The following SETX variants were observed in gnomAD, a reference collection of about 807,000 sequenced individuals.
SETX encodes senataxin.
SETX carries 90 observed loss-of-function variants against 227.2 expected under a neutral mutation model. The observed-to-expected ratio is 0.40, with a 90% CI of 0.33 to 0.47. The LOEUF is 0.47. SETX is among the 20% of genes least tolerant of loss of function. The pLI is 0.91. For synonymous variants in SETX, 1,210 were observed against 1,113.2 expected, an observed-to-expected ratio of 1.09 and a Z score of -1.73; for missense variants, 3,052 against 3,181.5, an observed-to-expected ratio of 0.96 and a Z score of 0.98.
At chr9:132,289,905 G>A (rs889078201) in intron 15 of SETX, among the ~76,000 whole-genome samples, 2 of 151,718 alleles carry the variant, frequency 1.3e-5, no homozygotes, top group African/African-American at 4.8e-5. Flanking sequence ...TCTTCTATTG[G>A]GTTTTTTAAA....
intron 10 of SETX, among the ~76,000 whole-genome samples, chr9:132,321,017 A>G (rs1456305668): frequency 2.6e-5 from 4 of 151,822 alleles, no homozygotes; most frequent in African/African-American, 9.7e-5. Flanking sequence ...TAGAGAGGAT[A>G]AGCAGTCTCT....
chr9:132,346,262 A>G lies in SETX; in HGVS notation c.387T>C (p.Val129=). 1 of 1,609,996 alleles carries G rather than the reference A, an allele frequency of 6.2e-7. No homozygotes were observed. The highest frequency in any genetic ancestry group is 1.7e-4 in the Middle Eastern group (1 of 6,044). The stretch of plus-strand genomic sequence containing the variant: ...TTGAGGAACCATCAAGATACTCACT[A>G]ACACGTTCATGTAGAAGCAAGTAAG... The part of the protein sequence containing the change: ...KYPYLLLHER[V]NELCVEALCR... Residue 129 remains valine (V), a splice_region_variant and synonymous_variant, in exon 4 of 26, where the codon GTT becomes GTC. Coordinates refer to ENST00000224140, the MANE Select transcript of SETX (RefSeq NM_015046.7).
Position 132,296,978 on chromosome 9 carries a change from GGTGA to G in SETX, c.5854_5857del (p.Ser1952HisfsTer8). 6.2e-7 allele frequency: 1 copy of G among 1,613,886 alleles called. No individual in the cohort carries two copies. The highest frequency in any genetic ancestry group is 8.5e-7 in the Non-Finnish European group (1 of 1,179,918). On this transcript the variant is annotated frameshift_variant, in exon 14 of 26. Transcript: ENST00000224140. LOFTEE classifies it high-confidence loss of function. ...AATCAAGCAGATTTTGGCAACTGAT[GGTGA>G]GTGTTTCACCATAGCATATGCAGTT...
chr9:132,264,612 A>G lies in SETX; in HGVS notation c.7661T>C (p.Phe2554Ser). Residue 2554 changes from phenylalanine to serine, a missense_variant, in exon 26 of 26, where the codon TTC becomes TCC. By Grantham distance (155) the Phe-to-Ser change is radical (BLOSUM62 -2). This residue lies in a region of SETX where 294 missense variants were observed against 278.8 expected (regional missense o/e 1.05). Coordinates refer to ENST00000224140, the MANE Select transcript of SETX (RefSeq NM_015046.7). Reference sequence around the variant, plus strand: ...GCTCGAGGGTTGTGGATCCCAAAGGAATATTCCTCCTTTGACCTCAATGCC... The same window carrying G: ...GCTCGAGGGTTGTGGATCCCAAAGGGATATTCCTCCTTTGACCTCAATGCC... ...RMGIEVKGGI[F>S]LWDPQPSSPQ... The G allele has an allele frequency of 6.2e-7, 1 of 1,614,108 alleles. No individual in the cohort carries two copies. The highest frequency in any genetic ancestry group is 8.5e-7 in the Non-Finnish European group (1 of 1,180,028).
In SETX at chr9:132,334,652, T is replaced by C. The variant is rs527394446; in HGVS notation, c.794A>G (p.Asp265Gly). 34 of 1,613,986 alleles carry C rather than the reference T, an allele frequency of 2.1e-5. No homozygotes were observed. The highest frequency in any genetic ancestry group is 2.8e-5 in the Non-Finnish European group (33 of 1,179,992). ...SLLLGSDKQN[D>G]FMQSILHTME... ...AGTGTGAAGTATCGATTGCATAAAATCATTTTGTTTGTCTGAGCCCAACAA... is the reference window on the plus strand; with the variant it reads ...AGTGTGAAGTATCGATTGCATAAAACCATTTTGTTTGTCTGAGCCCAACAA... Residue 265 changes from aspartate to glycine, a missense_variant, in exon 7 of 26, where the codon GAT becomes GGT. This residue lies in a region of SETX where 239 missense variants were observed against 240.8 expected (regional missense o/e 0.99). Coordinates refer to ENST00000224140, the MANE Select transcript of SETX (RefSeq NM_015046.7).
At chr9:132,273,969 TC>T in intron 23 of SETX, among the ~76,000 whole-genome samples, 1 of 116,824 alleles carries the variant, frequency 8.6e-6, no homozygotes, top group Non-Finnish European at 1.6e-5. Flanking sequence ...TCCTTTGTAT[TC>T]TTTTTTTTTT....
intron 10 of SETX, among the ~76,000 whole-genome samples, chr9:132,322,518 T>C (rs921741993): frequency 6.6e-6 from 1 of 152,218 alleles, no homozygotes; most frequent in Non-Finnish European, 1.5e-5. Context: ...CTTAGCACAA[T>C]GTTTTCAAGG....
intron 11 of SETX, among the ~76,000 whole-genome samples, chr9:132,303,501 A>C (rs1002189873): frequency 2.8e-4 from 43 of 151,864 alleles, no homozygotes; most frequent in African/African-American, 9.7e-4. Flanking sequence ...TTAGGATACA[A>C]AAAGCATTTT....
intron 7 of SETX, among the ~76,000 whole-genome samples, chr9:132,332,254 C>G (rs2131473274): frequency 6.6e-6 from 1 of 152,240 alleles, no homozygotes; most frequent in Non-Finnish European, 1.5e-5. Flanking sequence ...ACAAATAGAT[C>G]ACTGGCTTTT....
chr9:132,283,961 C>T (rs148534146), intron 18 of SETX, among the ~76,000 whole-genome samples: 163 of 152,290 alleles, frequency 1.1e-3, no homozygotes, highest in African/African-American at 3.8e-3. Context: ...TGTGATGGAG[C>T]CGGACGTGAG....
rs756606135 is a variant in SETX at position 132,328,493 on chromosome 9, T to C, written c.3105A>G (p.Lys1035=). The change falls in exon 10 of 26, where the codon AAA becomes AAG. Residue 1035 remains lysine (K), a synonymous_variant. Transcript: ENST00000224140. ...CCCTCTCAAGGCATATTTTGTCCTG[T>C]TTAGTGAGTTTCTCAAGACTCAGGA... ...ERILSLEKLT[K]QDKICLEREH... 1.2e-6 allele frequency: 2 copies of C among 1,613,904 alleles called. No homozygotes were observed.
chr9:132,275,264 A>G lies in SETX; in HGVS notation c.7092T>C (p.Asp2364=), dbSNP rs144607919. 9.4e-5 allele frequency: 151 copies of G among 1,613,942 alleles called. No individual in the cohort carries two copies. Among genetic ancestry groups the G allele is most frequent in the Non-Finnish European group, 1.1e-4 (130 of 1,179,976 alleles). Residue 2364 remains aspartate (D), a synonymous_variant, in exon 23 of 26, where the codon GAT becomes GAC. Coordinates refer to ENST00000224140, the MANE Select transcript of SETX (RefSeq NM_015046.7). ...MIQKDLDKEF[D]RKGPAEVDTV... ...TTATAAAAATGCCTCACCCTTTTCT[A>G]TCGAACTCTTTGTCCAAATCCTTCT...
intron 20 of SETX, among the ~76,000 whole-genome samples, chr9:132,280,186 C>T: frequency 6.6e-6 from 1 of 152,146 alleles, no homozygotes; most frequent in Admixed American, 6.5e-5. Flanking sequence ...CCACTAGAAA[C>T]AGGTGGTCAA....
chr9:132,298,463 C>A, intron 12 of SETX, 151 bp from the exon 13 acceptor site: 1 of 732,602 alleles, frequency 1.4e-6, no homozygotes, highest in Non-Finnish European at 2.3e-6. Context: ...GCTTCCTGAA[C>A]CCAGTAATGT....
chr9:132,303,634 C>T (rs905735038), intron 11 of SETX, among the ~76,000 whole-genome samples: 1 of 151,666 alleles, frequency 6.6e-6, no homozygotes, highest in African/African-American at 2.4e-5. Flanking sequence ...TAACTTGTCT[C>T]CAGAATATAT....
intron 6 of SETX, among the ~76,000 whole-genome samples, chr9:132,335,390 C>CAA (rs1157691529): frequency 1.2e-4 from 6 of 51,992 alleles, no homozygotes; most frequent in African/African-American, 4.8e-4. Flanking sequence ...GACTCCGTCT[C>CAA]AAAAAAAAAA....
chr9:132,287,044 A>T (rs1157524595), intron 17 of SETX, among the ~76,000 whole-genome samples: 2 of 152,266 alleles, frequency 1.3e-5, no homozygotes, highest in Non-Finnish European at 2.9e-5. Flanking sequence ...TATGGAGTGG[A>T]GAAATGATAT....
chr9:132,277,600 G>A (rs568820370), intron 21 of SETX, among the ~76,000 whole-genome samples: 45 of 152,154 alleles, frequency 3.0e-4, no homozygotes, highest in Admixed American at 1.3e-3. Flanking sequence ...GCAACATAGC[G>A]AAACCCCGTT....
intron 10 of SETX, among the ~76,000 whole-genome samples, chr9:132,325,108 G>C (rs1846628747): frequency 6.6e-6 from 1 of 152,210 alleles, no homozygotes; most frequent in Non-Finnish European, 1.5e-5. Flanking sequence ...TGTAATCCCA[G>C]CACTTTGGGA....
Sources: allele counts gnomAD v4.1 joint callset (sites outside exome capture counted in the v4.1 genomes callset), GRCh38; gene constraint gnomAD v4.1.1; regional missense constraint gnomAD v4.1.1; transcripts MANE v1.5; gene names NCBI Gene and HGNC (gene_info 2026-07-23, HGNC 2026-07-21).